Variants in KCNIP4 observed in about 807,000 individuals in gnomAD.
KCNIP4 encodes the protein Kv channel-interacting protein 4.
A neutral mutation model predicts 34.0 loss-of-function variants in KCNIP4; 12 were observed. The observed-to-expected ratio is 0.35, with a 90% CI of 0.23 to 0.57. The LOEUF (loss-of-function observed/expected upper bound fraction) is 0.57, where lower values mean the gene tolerates loss of function less well. Ranked by LOEUF, KCNIP4 falls within the 20% of genes least tolerant of loss-of-function variation. The pLI, the probability that KCNIP4 is intolerant of heterozygous loss-of-function variation, is 0.83. For synonymous variants in KCNIP4, 124 were observed against 102.2 expected (o/e 1.21, Z -1.29); for missense variants, 238 against 311.7 (o/e 0.76, Z 1.78).
chr4:21,593,103 A>ACG (rs1742343215), intron 1 of KCNIP4, among the ~76,000 whole-genome samples: 2 of 143,178 alleles, frequency 1.4e-5, no homozygotes, highest in Admixed American at 1.4e-4. Flanking sequence ...AATTTAAATA[A>ACG]TGTGTGTGTG....
At chr4:21,607,474 C>T (rs1743796237) in intron 1 of KCNIP4, among the ~76,000 whole-genome samples, 1 of 152,002 alleles carries the variant, frequency 6.6e-6, no homozygotes, top group Non-Finnish European at 1.5e-5. Flanking sequence ...CTTACAAGTG[C>T]TTCCTAACAT....
At position 21,015,927 on chromosome 4, in the gene KCNIP4, T is replaced by A. The variant is rs560173268; in HGVS notation, c.62-133218A>T. ...AATATGTTTAATATATAAATATATA[T>A]AAATTTTTTTTTATATATTAAAAAA... On this transcript the variant is annotated intron_variant, in intron 1 of 8. Coordinates refer to ENST00000382152, the MANE Select transcript of KCNIP4 (RefSeq NM_025221.6). 2.0e-3 allele frequency among the ~76,000 whole-genome samples: 281 copies of A among 143,644 alleles called. 6 individuals carry two copies. In the South Asian group the frequency reaches 0.053, roughly 27 times the overall value. The allele number at this position is 143,644 out of a possible 152,430, so 94.2% of individuals were successfully genotyped here.
intron 3 of KCNIP4, among the ~76,000 whole-genome samples, chr4:20,786,903 T>A (rs999082103): frequency 1.3e-5 from 2 of 152,170 alleles, no homozygotes; most frequent in African/African-American, 2.4e-5. Flanking sequence ...TGTGTTTTGT[T>A]AACGTAAGAC....
intron 1 of KCNIP4, among the ~76,000 whole-genome samples, chr4:21,669,966 G>T (rs13145193): frequency 0.25 from 38,581 of 151,920 alleles, 5,078 homozygotes; most frequent in South Asian, 0.28. Flanking sequence ...TTGGGAGACG[G>T]AAAGATTTTC....
intron 1 of KCNIP4, among the ~76,000 whole-genome samples, chr4:21,522,254 C>T (rs1438760230): frequency 6.6e-6 from 1 of 152,092 alleles, no homozygotes; most frequent in Non-Finnish European, 1.5e-5. Flanking sequence ...ATTGCAGGCA[C>T]CACATTTTTT....
intron 1 of KCNIP4, among the ~76,000 whole-genome samples, chr4:21,610,077 A>T (rs1744029307): frequency 6.6e-6 from 1 of 152,272 alleles, no homozygotes; most frequent in Non-Finnish European, 1.5e-5. Flanking sequence ...TCTTTAGATT[A>T]TAAAACCATT....
At chr4:20,977,020 A>T (rs1040795833) in intron 1 of KCNIP4, among the ~76,000 whole-genome samples, 9 of 151,944 alleles carry the variant, frequency 5.9e-5, no homozygotes, top group African/African-American at 9.7e-5. Flanking sequence ...TTTAGTAGAG[A>T]TGAAGTTTCT....
At chr4:20,820,008 T>C (rs991542023) in intron 3 of KCNIP4, among the ~76,000 whole-genome samples, 1 of 152,228 alleles carries the variant, frequency 6.6e-6, no homozygotes, top group African/African-American at 2.4e-5. Flanking sequence ...GGGGTGTTGC[T>C]GTTAACAAAT....
At chr4:21,407,288 C>T (rs868733692) in intron 1 of KCNIP4, among the ~76,000 whole-genome samples, 3 of 151,928 alleles carry the variant, frequency 2.0e-5, no homozygotes, top group African/African-American at 7.3e-5. Flanking sequence ...AACAAATGCA[C>T]CCTCCATAAA....
At chr4:20,778,032 C>T (rs1185202801) in intron 3 of KCNIP4, among the ~76,000 whole-genome samples, 1 of 152,088 alleles carries the variant, frequency 6.6e-6, no homozygotes, top group African/African-American at 2.4e-5. Flanking sequence ...CAAGGAGAAG[C>T]CGTAGATTAT....
chr4:21,662,143 A>G (rs1391243771), intron 1 of KCNIP4, among the ~76,000 whole-genome samples: 1 of 152,166 alleles, frequency 6.6e-6, no homozygotes, highest in Non-Finnish European at 1.5e-5. Context: ...TGTGTCCTCC[A>G]CAATCTGAAG....
At chr4:21,703,667 CT>C (rs1196979154) in intron 1 of KCNIP4, among the ~76,000 whole-genome samples, 2 of 152,014 alleles carry the variant, frequency 1.3e-5, no homozygotes, top group Non-Finnish European at 2.9e-5. Context: ...AAATGAAATA[CT>C]TTGGTGTGTG....
chr4:21,762,094 T>A (rs1168112634), intron 1 of KCNIP4, among the ~76,000 whole-genome samples: 1 of 152,172 alleles, frequency 6.6e-6, no homozygotes, highest in Non-Finnish European at 1.5e-5. Context: ...ATATGTAATT[T>A]TATTTTTCTA....
At chr4:21,935,822 A>G (rs932185739) in intron 1 of KCNIP4, among the ~76,000 whole-genome samples, 1 of 152,104 alleles carries the variant, frequency 6.6e-6, no homozygotes, top group Non-Finnish European at 1.5e-5. Context: ...TAAGCACTTC[A>G]TATGCATTAA....
At chr4:21,097,768 C>A (rs1052904790) in intron 1 of KCNIP4, among the ~76,000 whole-genome samples, 3 of 152,024 alleles carry the variant, frequency 2.0e-5, no homozygotes, top group African/African-American at 7.3e-5. Flanking sequence ...TGAAATTAGA[C>A]CAATTAATAA....
At chr4:21,366,485 T>A (rs563272220) in intron 1 of KCNIP4, among the ~76,000 whole-genome samples, 1 of 152,284 alleles carries the variant, frequency 6.6e-6, no homozygotes, top group African/African-American at 2.4e-5. Flanking sequence ...GCTCTGGCAC[T>A]TAAAAGAACA....
At chr4:21,625,939 C>A (rs1415814550) in intron 1 of KCNIP4, among the ~76,000 whole-genome samples, 3 of 152,018 alleles carry the variant, frequency 2.0e-5, no homozygotes, top group African/African-American at 7.2e-5. Context: ...ACAGCAAAAG[C>A]CTTTGACCCA....
intron 1 of KCNIP4, among the ~76,000 whole-genome samples, chr4:21,079,832 A>C (rs1745846784): frequency 6.6e-6 from 1 of 151,818 alleles, no homozygotes; most frequent in Admixed American, 6.6e-5. Flanking sequence ...AGCAGAGGTC[A>C]AAATGATGCA....
chr4:21,593,642 C>T lies in KCNIP4; in HGVS notation c.61+354929G>A, dbSNP rs562446956. On this transcript the variant is annotated intron_variant, in intron 1 of 8. Coordinates refer to ENST00000382152, the MANE Select transcript of KCNIP4 (RefSeq NM_025221.6). ...TCATCTCTCCCACCCTCCTTATTGC[C>T]CCACAACCTACTGGAGCCAGCTGGT... is the stretch of plus-strand genomic sequence containing the variant. Among the ~76,000 whole-genome samples, 7 of 152,170 alleles carry T rather than the reference C, an allele frequency of 4.6e-5. No homozygotes were observed. The South Asian group carries it at 1.5e-3, about 32-fold the overall frequency.
Sources: allele counts gnomAD v4.1 joint callset (sites outside exome capture counted in the v4.1 genomes callset), GRCh38; gene constraint gnomAD v4.1.1; transcripts MANE v1.5; gene names NCBI Gene and HGNC (gene_info 2026-07-23, HGNC 2026-07-21).